SPTLC2: variants seen among roughly 807,000 people sequenced by gnomAD.
The protein encoded by SPTLC2 is serine palmitoyltransferase 2.
In SPTLC2, 21 loss-of-function variants were observed where a neutral mutation model predicts 62.0. The ratio of observed to expected loss-of-function variants is 0.34; its 90% CI spans 0.24 to 0.49. The LOEUF (loss-of-function observed/expected upper bound fraction) is 0.49, where lower values mean the gene tolerates loss of function less well. Ranked by LOEUF, SPTLC2 falls within the 20% of genes least tolerant of loss-of-function variation. The pLI, the probability that SPTLC2 is intolerant of heterozygous loss-of-function variation, is 0.99. For synonymous variants in SPTLC2, 261 were observed against 261.8 expected, an observed-to-expected ratio of 1.00 and a Z score of 0.03; for missense variants, 511 against 713.0, an observed-to-expected ratio of 0.72 and a Z score of 3.23.
intron 2 of SPTLC2, among the ~76,000 whole-genome samples, chr14:77,583,708 C>A (rs2079766187): frequency 6.6e-6 from 1 of 152,156 alleles, no homozygotes; most frequent in African/African-American, 2.4e-5. Context: ...CTAAACTGGG[C>A]ACTGGGAATA....
chr14:77,565,312 T>C (rs1442363105), intron 5 of SPTLC2, among the ~76,000 whole-genome samples: 1 of 139,662 alleles, frequency 7.2e-6, no homozygotes, highest in Non-Finnish European at 1.5e-5. Flanking sequence ...CACAGATGCA[T>C]ACTAAAGTTA....
chr14:77,515,896 T>A (rs1363011380), intron 11 of SPTLC2, among the ~76,000 whole-genome samples: 1 of 152,202 alleles, frequency 6.6e-6, no homozygotes, highest in East Asian at 1.9e-4. Flanking sequence ...AATTTTCTTT[T>A]CATTTGTTCA....
intron 1 of SPTLC2, among the ~76,000 whole-genome samples, chr14:77,605,177 T>C (rs1271594938): frequency 6.6e-6 from 1 of 151,012 alleles, no homozygotes; most frequent in African/African-American, 2.5e-5. Flanking sequence ...CCATACCTGG[T>C]TAATTTTTTT....
intron 2 of SPTLC2, among the ~76,000 whole-genome samples, chr14:77,591,086 C>G (rs2079813522): frequency 1.3e-5 from 2 of 152,120 alleles, no homozygotes; most frequent in South Asian, 4.1e-4. Context: ...TGAGAAATCC[C>G]TATAGTAAGT....
In SPTLC2 at chr14:77,510,090, A is replaced by T. The variant is rs1480992435; in HGVS notation, c.*2194T>A. ...TTCTATGGTAGGAAACTAGATGTGC[A>T]GAAAAGGTTGACAATGTATTTGATT... On this transcript the variant is annotated 3_prime_UTR_variant, in exon 12 of 12. Transcript: ENST00000216484. 5.0e-6 allele frequency: 2 copies of T among 396,576 alleles called. No homozygotes were observed. The highest frequency in any genetic ancestry group is 8.9e-6 in the Non-Finnish European group (2 of 225,310). The allele number at this position is 396,576 out of a possible 1,614,324, so 24.6% of individuals were successfully genotyped here.
chr14:77,525,682 G>A (rs867496422), intron 9 of SPTLC2, among the ~76,000 whole-genome samples: 2 of 152,166 alleles, frequency 1.3e-5, no homozygotes, highest in Admixed American at 1.3e-4. Context: ...AGGCTGAAGC[G>A]GGCGGATCAC....
At chr14:77,555,597 C>G (rs1779542078) in intron 7 of SPTLC2, 78 bp from the exon 8 acceptor site, 1 of 1,373,104 alleles carries the variant, frequency 7.3e-7, no homozygotes, top group Admixed American at 1.9e-5. Flanking sequence ...TTTGGCACTT[C>G]ATTATTATTG....
intron 6 of SPTLC2, among the ~76,000 whole-genome samples, chr14:77,558,469 A>G (rs1461335754): frequency 6.6e-6 from 1 of 152,224 alleles, no homozygotes; most frequent in East Asian, 1.9e-4. Context: ...TAATAAAAAC[A>G]CAGAACACAA....
rs1475546404 is a variant in SPTLC2 at position 77,579,077 on chromosome 14, G to A, written c.360C>T (p.Asn120=). The A allele has an allele frequency of 1.2e-6, 2 of 1,613,992 alleles. No homozygotes were observed. The highest frequency in any genetic ancestry group is 2.2e-5 in the South Asian group (2 of 91,076). ...TCATGTACAGATTCCTTGTATAAAAGTTTTCAAAATCTTGATACAATGACA... is the reference window on the plus strand; with the variant it reads ...TCATGTACAGATTCCTTGTATAAAAATTTTCAAAATCTTGATACAATGACA... The part of the protein sequence containing the change: ...DFVSLYQDFE[N]FYTRNLYMRI... Residue 120 remains asparagine, a synonymous_variant, in exon 3 of 12, where the codon AAC becomes AAT. Transcript: ENST00000216484.
chr14:77,584,210 C>G lies in SPTLC2; in HGVS notation c.328-5101G>C, dbSNP rs557295019. Among the ~76,000 whole-genome samples, 3 of 152,260 alleles carry G rather than the reference C, an allele frequency of 2.0e-5. No individual in the cohort carries two copies. In the South Asian group the frequency reaches 6.2e-4, roughly 32 times the overall value. On this transcript the variant is annotated intron_variant, in intron 2 of 11. Transcript: ENST00000216484. The stretch of plus-strand genomic sequence containing the variant: ...TTGTTTAATATAATATACATAAGTA[C>G]CACCTATTGTAGCACCTATACAGGC...
chr14:77,556,979 T>C (rs1286754044), intron 7 of SPTLC2, 62 bp downstream of exon 7: 6 of 1,396,554 alleles, frequency 4.3e-6, no homozygotes, highest in Non-Finnish European at 6.1e-6. Flanking sequence ...TCCCTTCAGT[T>C]AAAAAATTCT....
chr14:77,519,690 C>T (rs954887938), intron 10 of SPTLC2, among the ~76,000 whole-genome samples: 1 of 152,186 alleles, frequency 6.6e-6, no homozygotes, highest in Non-Finnish European at 1.5e-5. Flanking sequence ...TGCACTCCAG[C>T]CTGGGCTATA....
chr14:77,576,314 T>C (rs1465686320), intron 4 of SPTLC2, among the ~76,000 whole-genome samples: 1 of 152,248 alleles, frequency 6.6e-6, no homozygotes, highest in African/African-American at 2.4e-5. Flanking sequence ...TTATATTTAT[T>C]GTCTACTATG....
chr14:77,524,772 T>C (rs941897474), intron 9 of SPTLC2, among the ~76,000 whole-genome samples: 3 of 152,188 alleles, frequency 2.0e-5, no homozygotes, highest in African/African-American at 7.2e-5. Context: ...ACGTATCGCA[T>C]GTTCTGACTC....
intron 8 of SPTLC2, among the ~76,000 whole-genome samples, chr14:77,553,774 A>T (rs1423503742): frequency 6.6e-6 from 1 of 151,202 alleles, no homozygotes; most frequent in Non-Finnish European, 1.5e-5. Context: ...ATTAAAAGTC[A>T]CTGAAAATGA....
At chr14:77,551,121 C>T (rs1404881077) in intron 9 of SPTLC2, among the ~76,000 whole-genome samples, 4 of 151,944 alleles carry the variant, frequency 2.6e-5, no homozygotes, top group Admixed American at 6.6e-5. Flanking sequence ...GGGCCGGGCA[C>T]GGTGGCTCAC....
chr14:77,615,427 C>T (rs2079961076), intron 1 of SPTLC2, among the ~76,000 whole-genome samples: 1 of 152,236 alleles, frequency 6.6e-6, no homozygotes. Flanking sequence ...ACCATCCTAT[C>T]AAACTGCAAC....
At chr14:77,576,962 A>G in intron 3 of SPTLC2, 47 bp from the exon 4 acceptor site, 1 of 1,606,830 alleles carries the variant, frequency 6.2e-7, no homozygotes, top group Non-Finnish European at 8.5e-7. Context: ...GCAAAAAAGT[A>G]CTTACATGTA....
chr14:77,583,839 C>T (rs772511875), intron 2 of SPTLC2, among the ~76,000 whole-genome samples: 11 of 152,108 alleles, frequency 7.2e-5, no homozygotes, highest in Non-Finnish European at 1.5e-4. Flanking sequence ...GGAGCGAATA[C>T]CTAACTGATA....
Sources: gnomAD v4.1 joint callset for allele counts (sites outside exome capture counted in the v4.1 genomes callset) on GRCh38, gnomAD v4.1.1 for gene constraint, MANE v1.5 for transcripts, NCBI Gene and HGNC (gene_info 2026-07-23, HGNC 2026-07-21) for gene names.